Variants in VPS13D observed in about 807,000 individuals in gnomAD.
VPS13D encodes vacuolar protein sorting 13 homolog D.
VPS13D carries 187 observed loss-of-function variants against 461.9 expected under a neutral mutation model. That is an observed-to-expected ratio of 0.40 (90% CI 0.36 to 0.46). The LOEUF (loss-of-function observed/expected upper bound fraction) is 0.46. Among genes scored for constraint, VPS13D ranks in the 20% least tolerant of loss-of-function variants. The probability of loss-of-function intolerance (pLI) is 0.60; values close to 1 mark genes in which losing one functional copy is unlikely to be tolerated. For missense variants in VPS13D, 4,711 were observed against 5,364.9 expected (o/e 0.88, Z 3.81); for synonymous variants, 1,951 against 1,986.3 (o/e 0.98, Z 0.47).
rs1016412667 is a variant in VPS13D at position 12,279,599 on chromosome 1, G to T, written c.4551G>T (p.Leu1517=). 1 of 1,612,984 alleles carries T rather than the reference G, an allele frequency of 6.2e-7. No individual in the cohort carries two copies. The highest frequency in any genetic ancestry group is 8.5e-7 in the Non-Finnish European group (1 of 1,179,354). ...ELTFSLSPDD[L]GTSSIMKIEG... ...CTTTTTCTCTTAGCCCAGATGACCT[G>T]GGAACTTCTAGCATCATGAAGATTG... is the stretch of plus-strand genomic sequence containing the variant. The change falls in exon 20 of 70, where the codon CTG becomes CTT. Residue 1517 remains leucine, a synonymous_variant. Transcript: ENST00000620676. The surrounding 1 kb of genome is among the most constrained non-coding windows in gnomAD (Gnocchi z 4.3).
intron 68 of VPS13D, chr1:12,499,858 A>C (rs1646012420): frequency 2.0e-6 from 2 of 985,436 alleles, no homozygotes; most frequent in Non-Finnish European, 2.4e-6. Flanking sequence ...ATCACTCTGC[A>C]AGAAAGGAGT....
At chr1:12,408,014 T>G (rs1207107743) in intron 63 of VPS13D, among the ~76,000 whole-genome samples, 2 of 152,206 alleles carry the variant, frequency 1.3e-5, no homozygotes, top group Non-Finnish European at 2.9e-5. Context: ...CGTGTTTATT[T>G]TATGACTCTA....
intron 27 of VPS13D, among the ~76,000 whole-genome samples, chr1:12,310,859 C>T (rs1326116201): frequency 2.9e-5 from 3 of 104,996 alleles, no homozygotes; most frequent in Non-Finnish European, 5.8e-5. Flanking sequence ...CTCCTTCCTT[C>T]CTTCCCTCCT....
At chr1:12,445,197 G>A (rs886802102) in intron 65 of VPS13D, among the ~76,000 whole-genome samples, 6 of 152,200 alleles carry the variant, frequency 3.9e-5, no homozygotes, top group Non-Finnish European at 7.4e-5. Flanking sequence ...TGAAGAATCC[G>A]TTCTGCTTAA....
rs1479500274 is a variant in VPS13D at position 12,507,132 on chromosome 1, G to T, written c.13035+39G>T. On this transcript the variant is annotated intron_variant, in intron 69 of 69. Transcript: ENST00000620676. The surrounding 1 kb of genome is among the most constrained non-coding windows in gnomAD (Gnocchi z 5.3). ...TGTTCTCAGGCTCCTGAGGGGCGGG[G>T]CCAGGGCCTCGATGCCTCTGCCCTG... 8 of 1,612,292 alleles carry T rather than the reference G, an allele frequency of 5.0e-6. No individual in the cohort carries two copies. The highest frequency in any genetic ancestry group is 5.9e-6 in the Non-Finnish European group (7 of 1,178,954).
intron 24 of VPS13D, among the ~76,000 whole-genome samples, chr1:12,295,236 A>AAC (rs1553175747): frequency 4.2e-4 from 64 of 150,708 alleles, no homozygotes; most frequent in South Asian, 6.2e-4. Context: ...AAAAAAAAAA[A>AAC]AAAACAAAAC....
intron 65 of VPS13D, among the ~76,000 whole-genome samples, chr1:12,451,520 T>C (rs1645261831): frequency 6.6e-6 from 1 of 152,228 alleles, no homozygotes; most frequent in Non-Finnish European, 1.5e-5. Context: ...CAACATGCAC[T>C]TGAAGCCTTA....
chr1:12,270,620 TC>T (rs140223068), intron 16 of VPS13D, among the ~76,000 whole-genome samples: 1 of 152,128 alleles, frequency 6.6e-6, no homozygotes, highest in African/African-American at 2.4e-5. Flanking sequence ...TTGCCTCCTC[TC>T]CCCCCATGGC....
rs1374903889 is a variant in VPS13D, at chr1:12,374,980, C to T, written c.10917+1122C>T. Among the ~76,000 whole-genome samples, 7 of 152,290 alleles carry T rather than the reference C, an allele frequency of 4.6e-5. 1 individual carries two copies. In the South Asian group the frequency reaches 8.3e-4, roughly 18 times the overall value. ...CTGGAACTCCTGACCTCAGGTAATC[C>T]GCCTGCCTTGGCCTCCGAAAGTGCT... On this transcript the variant is annotated intron_variant, in intron 55 of 69. Coordinates refer to ENST00000620676, the MANE Select transcript of VPS13D (RefSeq NM_015378.4).
chr1:12,298,331 C>T (rs908442079), intron 24 of VPS13D, among the ~76,000 whole-genome samples: 1 of 152,124 alleles, frequency 6.6e-6, no homozygotes, highest in Non-Finnish European at 1.5e-5. Flanking sequence ...AGCCAATAGA[C>T]CACCTGTTCT....
chr1:12,488,001 G>A (rs924869440), intron 67 of VPS13D, among the ~76,000 whole-genome samples: 1 of 152,142 alleles, frequency 6.6e-6, no homozygotes, highest in African/African-American at 2.4e-5. Context: ...AAAAAGCTCT[G>A]TCAGGCAACA....
chr1:12,251,736 G>C (rs1640739759), intron 6 of VPS13D, among the ~76,000 whole-genome samples: 1 of 152,082 alleles, frequency 6.6e-6, no homozygotes, highest in Non-Finnish European at 1.5e-5. Flanking sequence ...CCTGATTGTG[G>C]TATCTGCCTG....
chr1:12,484,328 CT>C lies in VPS13D; in HGVS notation c.12663-13171del, dbSNP rs200841994. Among the ~76,000 whole-genome samples the C allele has an allele frequency of 1.1e-3, 160 of 152,326 alleles. 1 individual carries two copies. In the East Asian group the frequency reaches 0.026, roughly 25 times the overall value. On this transcript the variant is annotated intron_variant, in intron 67 of 69. Coordinates refer to ENST00000620676, the MANE Select transcript of VPS13D (RefSeq NM_015378.4). ...ATTGTTGATACATGGGCTAGGTTTC[CT>C]ACAGAGTCACTTCAAGGATGTAGAT...
At chr1:12,286,056 CT>C (rs1641968481) in intron 21 of VPS13D, among the ~76,000 whole-genome samples, 1 of 149,168 alleles carries the variant, frequency 6.7e-6, no homozygotes, top group Non-Finnish European at 1.5e-5. Context: ...CCTTCCTTTC[CT>C]TTCCTTCCCT....
intron 20 of VPS13D, 114 bp from the exon 21 acceptor site, chr1:12,282,591 C>A (rs1210528860): frequency 1.0e-6 from 1 of 1,003,814 alleles, no homozygotes; most frequent in East Asian, 2.4e-5. Context: ...TCTTTGCTAT[C>A]AGGTAACTTA....
chr1:12,383,045 C>T lies in VPS13D; in HGVS notation c.11260C>T (p.Leu3754Phe). The T allele has an allele frequency of 1.2e-6, 2 of 1,614,132 alleles. No individual in the cohort carries two copies. Among genetic ancestry groups the T allele is most frequent in the South Asian group, 1.1e-5 (1 of 91,076 alleles). ...VVLGPDTSMELLGPVPPEQQF... is the reference protein window; with the variant it reads ...VVLGPDTSMEFLGPVPPEQQF... ...TCTTGGTCCTGACACTTCCATGGAGCTTTTGGGGCCAGTTCCACCTGAACA... is the reference window on the plus strand; with the variant it reads ...TCTTGGTCCTGACACTTCCATGGAGTTTTTGGGGCCAGTTCCACCTGAACA... Residue 3754 changes from leucine to phenylalanine, a missense_variant, in exon 58 of 70, where the codon CTT becomes TTT. Leu to Phe is a conservative substitution (Grantham distance 22). This residue lies in a region of VPS13D where 4,411 missense variants were observed against 4,937.8 expected (regional missense o/e 0.89). Transcript: ENST00000620676.
chr1:12,449,944 G>C (rs1390833685), intron 65 of VPS13D, among the ~76,000 whole-genome samples: 1 of 152,164 alleles, frequency 6.6e-6, no homozygotes, highest in Non-Finnish European at 1.5e-5. Context: ...GGCCAACACG[G>C]TGAGACCCTG....
intron 65 of VPS13D, among the ~76,000 whole-genome samples, chr1:12,454,860 A>C (rs527904985): frequency 6.6e-6 from 1 of 152,340 alleles, no homozygotes; most frequent in East Asian, 1.9e-4. Context: ...TTGGCACTTA[A>C]ACCACTTGTT....
intron 14 of VPS13D, among the ~76,000 whole-genome samples, chr1:12,267,401 A>G (rs967925395): frequency 6.6e-6 from 1 of 152,166 alleles, no homozygotes; most frequent in Non-Finnish European, 1.5e-5. Flanking sequence ...TTTTCTATAT[A>G]TATGTAATTT....
Sources: allele counts gnomAD v4.1 joint callset (sites outside exome capture counted in the v4.1 genomes callset), GRCh38; gene constraint gnomAD v4.1.1; regional missense constraint gnomAD v4.1.1; non-coding constraint Gnocchi (gnomAD v3.1); transcripts MANE v1.5; gene names NCBI Gene and HGNC (gene_info 2026-07-23, HGNC 2026-07-21).